EIF3B: variants seen among roughly 807,000 people sequenced by gnomAD.
EIF3B encodes eukaryotic translation initiation factor 3 subunit 9.
In EIF3B, 10 loss-of-function variants were observed where a neutral mutation model predicts 104.6. The ratio of observed to expected loss-of-function variants is 0.10; its 90% confidence interval spans 0.06 to 0.16. The LOEUF (loss-of-function observed/expected upper bound fraction) is 0.16. Among genes scored for constraint, EIF3B ranks in the 10% least tolerant of loss-of-function variants. EIF3B has a pLI of 1.00. For missense variants in EIF3B, 1,014 were observed against 1,087.9 expected, an observed-to-expected ratio of 0.93 and a Z score of 0.96; for synonymous variants, 542 against 417.2, an observed-to-expected ratio of 1.30 and a Z score of -3.65.
chr7:2,377,961 TGA>T (rs1780750214), intron 15 of EIF3B: 1 of 42,728 alleles, frequency 2.3e-5, no homozygotes, highest in Non-Finnish European at 3.6e-5. Context: ...GTTCTGTGAA[TGA>T]CCCTGGGTGT....
At chr7:2,378,220 C>T (rs1780771238) in intron 15 of EIF3B, 1 of 147,274 alleles carries the variant, frequency 6.8e-6, no homozygotes, top group Non-Finnish European at 1.4e-5. Context: ...GTGTGAATGA[C>T]CCTGGGTGTC....
chr7:2,355,215 G>GC lies in EIF3B; in HGVS notation c.299dup (p.Val101CysfsTer101). 6.7e-7 allele frequency: 1 copy of GC among 1,492,694 alleles called. No individual in the cohort carries two copies. The highest frequency in any genetic ancestry group is 2.2e-5 in the Admixed American group (1 of 45,416). The allele number at this position is 1,492,694 out of a possible 1,614,324, so 92.5% of individuals were successfully genotyped here. A position where few individuals can be genotyped will look rare whatever the true frequency, so the allele number is the denominator to read the frequency against. ...AGGAGCTGCCCGGGTCGCATGCTGA[G>GC]CCCCCTGTCCCGGCACAGGGCGAGG... On this transcript the variant is annotated frameshift_variant, in exon 1 of 19. Coordinates refer to ENST00000360876, the MANE Select transcript of EIF3B (RefSeq NM_001037283.2). LOFTEE classifies it high-confidence loss of function.
Position 2,371,891 on chromosome 7 carries a change from G to C in EIF3B, c.1687+42G>C, listed in dbSNP as rs141859714. 4.4e-4 allele frequency: 662 copies of C among 1,511,690 alleles called. 2 individuals carry two copies. The African/African-American group carries it at 7.2e-3, about 16-fold the overall frequency. The allele number at this position is 1,511,690 out of a possible 1,614,324, so 93.6% of individuals were successfully genotyped here. ...TCACTTTGAGGCGAATGGGGCCTAC[G>C]TGCTGTTTTACTCTTGGCTTTAACA... On this transcript the variant is annotated intron_variant, in intron 11 of 18. Coordinates refer to ENST00000360876, the MANE Select transcript of EIF3B (RefSeq NM_001037283.2).
intron 5 of EIF3B, 156 bp from the exon 6 acceptor site, chr7:2,364,216 T>G (rs925669756): frequency 4.6e-6 from 3 of 646,622 alleles, no homozygotes; most frequent in Admixed American, 3.0e-5. Context: ...GAGCTGAGAT[T>G]GCGCCACTGC....
chr7:2,379,359 C>T (rs760746038), intron 17 of EIF3B, 35 bp from the exon 18 acceptor site: 6 of 1,557,288 alleles, frequency 3.9e-6, no homozygotes, highest in African/African-American at 2.7e-5. Flanking sequence ...TAGGCATGTG[C>T]CCCCATGGGT....
Position 2,355,240 on chromosome 7 carries a change from GC to G in EIF3B, c.323del (p.Pro108GlnfsTer56). 6.6e-7 allele frequency: 1 copy of G among 1,515,884 alleles called. No individual in the cohort carries two copies. Among genetic ancestry groups the G allele is most frequent in the Admixed American group, 2.0e-5 (1 of 49,534 alleles). 93.9% of individuals were successfully genotyped at this position (1,515,884 alleles called of 1,614,324 possible). ...GCCCCCTGTCCCGGCACAGGGCGAG[GC>G]CCCAGGAGAGCAGGCTCGGGACGAG... ...AEPPVPAQGE[A>X]PGEQARDERS... On this transcript the variant is annotated frameshift_variant, in exon 1 of 19. Coordinates refer to ENST00000360876, the MANE Select transcript of EIF3B (RefSeq NM_001037283.2). LOFTEE classifies it high-confidence loss of function.
intron 1 of EIF3B, among the ~76,000 whole-genome samples, chr7:2,358,291 C>G (rs752621707): frequency 1.3e-5 from 2 of 152,094 alleles, no homozygotes; most frequent in Non-Finnish European, 2.9e-5. Flanking sequence ...GCCTTGTTGG[C>G]CAGGCTGGTC....
rs759115078 is a variant in EIF3B at position 2,379,173 on chromosome 7, C to A, written c.2272C>A (p.Arg758=). 1.9e-6 allele frequency: 3 copies of A among 1,613,878 alleles called. No individual in the cohort carries two copies. The South Asian group carries it at 3.3e-5, about 18-fold the overall frequency. The stretch of plus-strand genomic sequence containing the variant: ...AAGGCGCACCATGATGGAAGATTTC[C>A]GGAAGTACCGGAAAATGGCCCAGGA... ...ERRRTMMEDF[R]KYRKMAQELY... The change falls in exon 17 of 19, where the codon CGG becomes AGG. Residue 758 remains arginine, a synonymous_variant. Transcript: ENST00000360876.
rs972577113 is a variant in EIF3B, at chr7:2,380,466, T to C, written c.*277T>C. The stretch of plus-strand genomic sequence containing the variant: ...AAGGCACCCGCTTCCACTTCTTTCT[T>C]GTTTGGAGTTTTCTGTTGGAACCGC... On this transcript the variant is annotated 3_prime_UTR_variant, in exon 19 of 19. Coordinates refer to ENST00000360876, the MANE Select transcript of EIF3B (RefSeq NM_001037283.2). 1 of 504,862 alleles carries C rather than the reference T, an allele frequency of 2.0e-6. No individual in the cohort carries two copies. Among genetic ancestry groups the C allele is most frequent in the Non-Finnish European group, 4.0e-6 (1 of 253,084 alleles). The allele number at this position is 504,862 out of a possible 1,614,324, so 31.3% of individuals were successfully genotyped here.
intron 12 of EIF3B, 178 bp downstream of exon 12, chr7:2,372,973 CCTTG>C: frequency 2.0e-6 from 1 of 512,580 alleles, no homozygotes; most frequent in Non-Finnish European, 3.2e-6. Flanking sequence ...GGTGCCGCCT[CCTTG>C]CAGGGTGTCT....
chr7:2,376,766 C>T (rs934766108), intron 14 of EIF3B, 184 bp from the exon 15 acceptor site: 11 of 750,284 alleles, frequency 1.5e-5, no homozygotes, highest in Middle Eastern at 3.9e-4. Flanking sequence ...CACTCCGGGT[C>T]GGTTGCATAA....
chr7:2,377,268 G>A (rs1780685523), intron 15 of EIF3B, among the ~76,000 whole-genome samples, 193 bp downstream of exon 15: 1 of 152,260 alleles, frequency 6.6e-6, no homozygotes, highest in Non-Finnish European at 1.5e-5. Context: ...GTAACTTGAG[G>A]CTTTCAGCTT....
At chr7:2,359,373 G>T (rs13236428) in intron 1 of EIF3B, among the ~76,000 whole-genome samples, 27,891 of 151,968 alleles carry the variant, frequency 0.18, 3,375 homozygotes, top group South Asian at 0.38. Flanking sequence ...AAGTTGAGTT[G>T]ATCACCGGTG....
rs762602921 is a variant in EIF3B at position 2,363,124 on chromosome 7, C to T, written c.867C>T (p.Asp289=). ...WDIPEKQPFK[D]LGNLRYWLEE... is the part of the protein sequence containing the mutation. ...TTCCAGAGAAACAGCCTTTCAAAGACCTGGTGAGTGGCCTGAAACCTACAT... is the reference window on the plus strand; with the variant it reads ...TTCCAGAGAAACAGCCTTTCAAAGATCTGGTGAGTGGCCTGAAACCTACAT... The change falls in exon 4 of 19, where the codon GAC becomes GAT. Residue 289 remains aspartate (D), a synonymous_variant. Transcript: ENST00000360876. The T allele has an allele frequency of 4.3e-6, 7 of 1,613,952 alleles. No homozygotes were observed. In the East Asian group the frequency reaches 1.1e-4, roughly 26 times the overall value.
At chr7:2,367,125 T>G in intron 9 of EIF3B, 80 bp downstream of exon 9, 11 of 1,148,376 alleles carry the variant, frequency 9.6e-6, no homozygotes, top group Non-Finnish European at 1.4e-5. Flanking sequence ...AAAAACACAA[T>G]ACCATAGGCT....
intron 3 of EIF3B, 99 bp downstream of exon 3, chr7:2,362,863 T>C (rs1342701648): frequency 4.5e-6 from 7 of 1,557,328 alleles, no homozygotes; most frequent in African/African-American, 1.4e-5. Flanking sequence ...GTCTGTCAGA[T>C]TGTTCACATC....
chr7:2,367,306 C>A (rs1305903774), intron 9 of EIF3B, among the ~76,000 whole-genome samples: 1 of 151,994 alleles, frequency 6.6e-6, no homozygotes, highest in African/African-American at 2.4e-5. Context: ...TAAAGTCTCT[C>A]ATCTCATTCC....
intron 18 of EIF3B, chr7:2,379,863 C>T (rs910514725): frequency 6.0e-5 from 18 of 302,156 alleles, no homozygotes; most frequent in Middle Eastern, 1.1e-3. Flanking sequence ...GAAACACTGG[C>T]GTGCACGGCT....
intron 9 of EIF3B, among the ~76,000 whole-genome samples, chr7:2,367,332 C>G (rs545320270): frequency 3.9e-5 from 6 of 152,144 alleles, no homozygotes; most frequent in Non-Finnish European, 5.9e-5. Context: ...GCTTCCCCCT[C>G]AGGACCTCCC....
Sources: gnomAD v4.1 joint callset for allele counts (sites outside exome capture counted in the v4.1 genomes callset) on GRCh38, gnomAD v4.1.1 for gene constraint, MANE v1.5 for transcripts, NCBI Gene and HGNC (gene_info 2026-07-23, HGNC 2026-07-21) for gene names.